KCNAB2: variants seen among roughly 807,000 people sequenced by gnomAD.
KCNAB2 encodes voltage-gated potassium channel subunit beta-2.
A neutral mutation model predicts 63.6 loss-of-function variants in KCNAB2; 29 were observed. The ratio of observed to expected loss-of-function variants is 0.46; its 90% CI spans 0.34 to 0.62. The LOEUF (loss-of-function observed/expected upper bound fraction) is 0.62. KCNAB2 is among the 20% of genes least tolerant of loss of function. The probability of loss-of-function intolerance (pLI) is 0.01; values close to 1 mark genes in which losing one functional copy is unlikely to be tolerated. For missense variants in KCNAB2, 359 were observed against 563.9 expected, an observed-to-expected ratio of 0.64 and a Z score of 3.68; for synonymous variants, 222 against 224.2, an observed-to-expected ratio of 0.99 and a Z score of 0.09.
intron 1 of KCNAB2, among the ~76,000 whole-genome samples, chr1:6,002,816 C>T (rs1267610295): frequency 1.3e-5 from 2 of 152,130 alleles, no homozygotes; most frequent in Non-Finnish European, 2.9e-5. Context: ...AGGAGGCAGG[C>T]GCTTCACCCG....
Position 6,070,266 on chromosome 1 carries a change from C to A in KCNAB2, c.219-2489C>A, listed in dbSNP as rs545673359. ...CTGTTTTTGCAAAGGGGTTATGACC[C>A]CAAAGCAGCTGAGAGGCACTGATCA... is the stretch of plus-strand genomic sequence containing the variant. On this transcript the variant is annotated intron_variant, in intron 2 of 15. Coordinates refer to ENST00000378083, the MANE Select transcript of KCNAB2 (RefSeq NM_001199862.2). 2.0e-4 allele frequency among the ~76,000 whole-genome samples: 30 copies of A among 152,286 alleles called. No homozygotes were observed. In the East Asian group the frequency reaches 5.8e-3, roughly 29 times the overall value.
chr1:6,097,611 G>C (rs1177692322), intron 15 of KCNAB2: 1 of 650,632 alleles, frequency 1.5e-6, no homozygotes, highest in African/African-American at 1.8e-5. Flanking sequence ...AGAGATAAAG[G>C]GAGGGAGCTG....
At chr1:6,097,432 G>C in intron 15 of KCNAB2, 75 bp downstream of exon 15, 1 of 1,545,598 alleles carries the variant, frequency 6.5e-7, no homozygotes, top group South Asian at 1.2e-5. Flanking sequence ...TCCCAGGCTC[G>C]TCCTGCGTGC....
At chr1:5,997,342 G>A (rs1656995893) in intron 1 of KCNAB2, among the ~76,000 whole-genome samples, 1 of 152,172 alleles carries the variant, frequency 6.6e-6, no homozygotes, top group Non-Finnish European at 1.5e-5. Flanking sequence ...GGAAGGGGAA[G>A]AGAGGGCAGG....
At chr1:6,010,221 A>G (rs1241927403) in intron 1 of KCNAB2, among the ~76,000 whole-genome samples, 1 of 151,882 alleles carries the variant, frequency 6.6e-6, no homozygotes, top group African/African-American at 2.4e-5. Context: ...AGTTAGTTAA[A>G]CTTATTTCTT....
At chr1:6,022,927 G>T (rs1658930726) in intron 1 of KCNAB2, among the ~76,000 whole-genome samples, 1 of 146,478 alleles carries the variant, frequency 6.8e-6, no homozygotes. Context: ...CTGTCACCCA[G>T]GCTGGAGGGC....
At chr1:6,084,415 A>T (rs1664468863) in intron 5 of KCNAB2, among the ~76,000 whole-genome samples, 1 of 152,232 alleles carries the variant, frequency 6.6e-6, no homozygotes, top group African/African-American at 2.4e-5. Flanking sequence ...ATACACACAC[A>T]TATACACAAG....
At chr1:6,033,214 T>C (rs1316571565), upstream of KCNAB2, among the ~76,000 whole-genome samples, 1 of 151,864 alleles carries the variant, frequency 6.6e-6, no homozygotes, top group Non-Finnish European at 1.5e-5. Context: ...TGTGTGCATG[T>C]GGGTGTGTGC....
intron 1 of KCNAB2, among the ~76,000 whole-genome samples, chr1:5,997,327 G>A (rs568160242): frequency 2.0e-5 from 3 of 152,288 alleles, no homozygotes; most frequent in African/African-American, 7.2e-5. Flanking sequence ...GAAGGATGGA[G>A]GGAAGGAAGG....
rs1427418882 is a variant in KCNAB2, at chr1:6,073,839, C to T, written c.300+69C>T. On this transcript the variant is annotated intron_variant, in intron 4 of 15. Transcript: ENST00000378083. The surrounding 1 kb of genome is among the most constrained non-coding windows in gnomAD (Gnocchi z 5.7). ...CGCCAGAGCACATGGTTAAGTCTGC[C>T]GCGTGGACCAGTGAGCACGTGCTCC... The T allele has an allele frequency of 7.3e-6, 11 of 1,508,702 alleles. No homozygotes were observed. The highest frequency in any genetic ancestry group is 2.8e-5 in the African/African-American group (2 of 72,662). The allele number at this position is 1,508,702 out of a possible 1,614,324, so 93.5% of individuals were successfully genotyped here. A position where few individuals can be genotyped will look rare whatever the true frequency, so the allele number is the denominator to read the frequency against.
Position 6,099,591 on chromosome 1 carries a change from C to T in KCNAB2, c.*1017C>T, listed in dbSNP as rs1665898541. ...CCTGTAGACTTTCTCTAAAGCCGCC[C>T]GCCAGCCCAGGCCGCTGCTCTGCAC... is the stretch of plus-strand genomic sequence containing the variant. On this transcript the variant is annotated 3_prime_UTR_variant, in exon 16 of 16. Transcript: ENST00000378083. 3.3e-6 allele frequency: 2 copies of T among 613,952 alleles called. No homozygotes were observed. Among genetic ancestry groups the T allele is most frequent in the Admixed American group, 3.6e-5 (1 of 27,514 alleles). 38.0% of individuals were successfully genotyped at this position (613,952 alleles called of 1,614,324 possible). A position where few individuals can be genotyped will look rare whatever the true frequency, so the allele number is the denominator to read the frequency against.
intron 15 of KCNAB2, chr1:6,098,111 G>A (rs1269130856): frequency 2.0e-6 from 2 of 999,638 alleles, no homozygotes; most frequent in Non-Finnish European, 2.4e-6. Context: ...GTCCCCGGGT[G>A]TGTCACCCGG....
rs11578383 is a variant in KCNAB2 at position 6,074,930 on chromosome 1, G to C, written c.300+1160G>C. On this transcript the variant is annotated intron_variant, in intron 4 of 15. Coordinates refer to ENST00000378083, the MANE Select transcript of KCNAB2 (RefSeq NM_001199862.2). The surrounding 1 kb of genome is among the most constrained non-coding windows in gnomAD (Gnocchi z 4.9). ...GATCATATCACTGCACTCCAGCCTA[G>C]GCCGTAGAGTAAGACTCTGTCTCGA... is the stretch of plus-strand genomic sequence containing the variant. Among the ~76,000 whole-genome samples the C allele has an allele frequency of 0.14, 21,630 of 151,126 alleles. 2,014 individuals are homozygous for C. Among genetic ancestry groups the C allele is most frequent in the Non-Finnish European group, 0.21 (14,279 of 67,832 alleles).
intron 1 of KCNAB2, among the ~76,000 whole-genome samples, chr1:5,993,742 G>A (rs899662498): frequency 6.6e-6 from 1 of 152,122 alleles, no homozygotes; most frequent in Non-Finnish European, 1.5e-5. Flanking sequence ...CCTGGCCACC[G>A]TCTCCTTCCC....
chr1:6,060,393 CTCCTCCAGGAAGGCCACCGGCCCT>C (rs1181219514), intron 2 of KCNAB2, among the ~76,000 whole-genome samples: 2 of 152,206 alleles, frequency 1.3e-5, no homozygotes, highest in Non-Finnish European at 2.9e-5. Flanking sequence ...TGGTGGACTC[CTCCTCCAGGAAGGCCACCGGCCCT>C]GCCTCCCTTT....
chr1:6,085,181 G>C, intron 5 of KCNAB2, 23 bp from the exon 6 acceptor site: 1 of 1,613,714 alleles, frequency 6.2e-7, no homozygotes, highest in Non-Finnish European at 8.5e-7. Context: ...GCTGTGATGA[G>C]AGCTCGGTGT....
Position 6,051,641 on chromosome 1 carries a change from G to C in KCNAB2, c.105G>C (p.Gln35His), listed in dbSNP as rs529702052. ...GCCAGACGGACACGCTGGAACTGCAGCGGCTGCGGGAGGTGCGGGCGGCTG... is the reference window on the plus strand; with the variant it reads ...GCCAGACGGACACGCTGGAACTGCACCGGCTGCGGGAGGTGCGGGCGGCTG... ...PVRQTDTLELQRLREVRAAAQ... is the reference protein window; with the variant it reads ...PVRQTDTLELHRLREVRAAAQ... Residue 35 changes from glutamine to histidine, a missense_variant, in exon 2 of 16, where the codon CAG becomes CAC. By Grantham distance (24) the Gln-to-His change is conservative. Transcript: ENST00000378083. 743 of 1,534,404 alleles carry C rather than the reference G, an allele frequency of 4.8e-4. 7 individuals carry two copies. In the Admixed American group the frequency reaches 0.014, roughly 29 times the overall value.
At chr1:5,993,542 C>T (rs1460565934) in intron 1 of KCNAB2, among the ~76,000 whole-genome samples, 1 of 152,238 alleles carries the variant, frequency 6.6e-6, no homozygotes, top group Non-Finnish European at 1.5e-5. Flanking sequence ...GATGCAAAGA[C>T]CCCACTGCTG....
chr1:6,061,459 G>T (rs1662311582), intron 2 of KCNAB2, among the ~76,000 whole-genome samples: 1 of 152,222 alleles, frequency 6.6e-6, no homozygotes, highest in Non-Finnish European at 1.5e-5. Flanking sequence ...ATGTGATCAG[G>T]GAGACACCAT....
Sources: gnomAD v4.1 joint callset for allele counts (sites outside exome capture counted in the v4.1 genomes callset) on GRCh38, gnomAD v4.1.1 for gene constraint, Gnocchi (gnomAD v3.1) non-coding constraint, MANE v1.5 for transcripts, NCBI Gene and HGNC (gene_info 2026-07-23, HGNC 2026-07-21) for gene names.